AUTS2: variants seen among roughly 807,000 people sequenced by gnomAD.
AUTS2 encodes autism susceptibility gene 2 protein.
A neutral mutation model predicts 112.4 loss-of-function variants in AUTS2; 17 were observed. That is an observed-to-expected ratio of 0.15 (90% CI 0.10 to 0.23). The LOEUF is 0.23. Ranked by LOEUF, AUTS2 falls within the 10% of genes least tolerant of loss-of-function variation. The pLI, the probability that AUTS2 is intolerant of heterozygous loss-of-function variation, is 1.00. For synonymous variants in AUTS2, 751 were observed against 702.7 expected, an observed-to-expected ratio of 1.07 and a Z score of -1.09; for missense variants, 1,510 against 1,701.6, an observed-to-expected ratio of 0.89 and a Z score of 1.98.
intron 1 of AUTS2, among the ~76,000 whole-genome samples, chr7:69,672,226 A>C (rs572056619): frequency 6.6e-6 from 1 of 151,936 alleles, no homozygotes; most frequent in Admixed American, 6.6e-5. Context: ...TGCCTGGCTA[A>C]TTTTGTATTT....
chr7:70,698,081 G>A (rs1454415507), intron 5 of AUTS2, among the ~76,000 whole-genome samples: 2 of 152,050 alleles, frequency 1.3e-5, no homozygotes, highest in African/African-American at 4.8e-5. Flanking sequence ...GGAGTCATCA[G>A]ATGAATCTTA....
intron 2 of AUTS2, among the ~76,000 whole-genome samples, chr7:69,962,557 G>T (rs552211863): frequency 6.6e-6 from 1 of 152,240 alleles, no homozygotes; most frequent in Non-Finnish European, 1.5e-5. Context: ...CATTGCAGTT[G>T]AAGTTATTTT....
intron 5 of AUTS2, among the ~76,000 whole-genome samples, chr7:70,660,196 A>G (rs1027253189): frequency 6.6e-6 from 1 of 151,858 alleles, no homozygotes; most frequent in African/African-American, 2.4e-5. Flanking sequence ...AAGAAAAGAA[A>G]AAAAGGAAAG....
chr7:70,380,466 G>A (rs1793317155), intron 4 of AUTS2, among the ~76,000 whole-genome samples: 1 of 152,208 alleles, frequency 6.6e-6, no homozygotes, highest in African/African-American at 2.4e-5. Context: ...CGCAAAAGCA[G>A]TCCCCCTTTC....
intron 1 of AUTS2, among the ~76,000 whole-genome samples, chr7:69,655,322 G>A (rs1795476222): frequency 1.3e-5 from 2 of 152,326 alleles, no homozygotes; most frequent in South Asian, 2.1e-4. Context: ...TCTAGGCTCT[G>A]TATTAATTTG....
chr7:69,707,905 G>C (rs1798140737), intron 1 of AUTS2, among the ~76,000 whole-genome samples: 1 of 152,194 alleles, frequency 6.6e-6, no homozygotes, highest in South Asian at 2.1e-4. Flanking sequence ...GTTCAGTCGT[G>C]TATCATGTAC....
intron 1 of AUTS2, among the ~76,000 whole-genome samples, chr7:69,800,882 A>G (rs767234815): frequency 9.9e-5 from 15 of 152,118 alleles, no homozygotes; most frequent in Non-Finnish European, 2.1e-4. Flanking sequence ...TATCTGGAGT[A>G]CTTCTTACCC....
intron 2 of AUTS2, among the ~76,000 whole-genome samples, chr7:69,899,700 A>G (rs1794896248): frequency 6.6e-6 from 1 of 152,236 alleles, no homozygotes; most frequent in African/African-American, 2.4e-5. Context: ...AAACTTCAGC[A>G]TGGTGCCCTT....
chr7:70,400,434 A>G (rs112113605), intron 4 of AUTS2, among the ~76,000 whole-genome samples: 2 of 152,280 alleles, frequency 1.3e-5, no homozygotes, highest in African/African-American at 4.8e-5. Flanking sequence ...GCCTGTCGCA[A>G]CATTTGATGC....
intron 4 of AUTS2, among the ~76,000 whole-genome samples, chr7:70,156,063 A>G (rs1807741763): frequency 1.3e-5 from 2 of 152,100 alleles, no homozygotes; most frequent in Non-Finnish European, 2.9e-5. Context: ...GATTGTCTCC[A>G]TCCATAACTT....
At chr7:70,403,685 G>T (rs1194284692) in intron 4 of AUTS2, among the ~76,000 whole-genome samples, 1 of 152,186 alleles carries the variant, frequency 6.6e-6, no homozygotes, top group Non-Finnish European at 1.5e-5. Flanking sequence ...TCCCTATGGG[G>T]TCTTCTTTCC....
At chr7:69,737,255 T>C (rs912378825) in intron 1 of AUTS2, among the ~76,000 whole-genome samples, 4 of 152,214 alleles carry the variant, frequency 2.6e-5, no homozygotes, top group African/African-American at 9.6e-5. Context: ...TTTAACTCAA[T>C]TGAATAATAA....
chr7:70,243,280 T>A (rs1812725988), intron 4 of AUTS2, among the ~76,000 whole-genome samples: 1 of 121,172 alleles, frequency 8.3e-6, no homozygotes, highest in Non-Finnish European at 1.8e-5. Context: ...TGTGTGTGTG[T>A]ATGAGTATAT....
chr7:70,071,133 G>C (rs567203179), intron 2 of AUTS2, among the ~76,000 whole-genome samples: 2 of 152,226 alleles, frequency 1.3e-5, no homozygotes, highest in East Asian at 3.9e-4. Context: ...CAGTTGACTT[G>C]AGCTTTCTGT....
intron 4 of AUTS2, among the ~76,000 whole-genome samples, chr7:70,304,524 A>T (rs1211924928): frequency 6.6e-6 from 1 of 152,060 alleles, no homozygotes; most frequent in African/African-American, 2.4e-5. Context: ...GGGGGTCTGA[A>T]GTTGGGAAAG....
At chr7:69,986,712 A>C (rs1584531782) in intron 2 of AUTS2, among the ~76,000 whole-genome samples, 1 of 152,224 alleles carries the variant, frequency 6.6e-6, no homozygotes, top group Non-Finnish European at 1.5e-5. Context: ...TGTTTTCTGG[A>C]CAGTTATCCA....
At chr7:70,321,214 A>G (rs914592802) in intron 4 of AUTS2, among the ~76,000 whole-genome samples, 1 of 152,214 alleles carries the variant, frequency 6.6e-6, no homozygotes, top group African/African-American at 2.4e-5. Flanking sequence ...GATGCAACAG[A>G]CATACATGTC....
At chr7:70,534,396 ATTTGTTTG>A (rs59524958) in intron 5 of AUTS2, among the ~76,000 whole-genome samples, 24,474 of 147,902 alleles carry the variant, frequency 0.17, 2,164 homozygotes, top group Middle Eastern at 0.22. Context: ...GGGAATATGA[ATTTGTTTG>A]TTTGTTTGTT....
chr7:70,345,255 A>C (rs1022062773), intron 4 of AUTS2, among the ~76,000 whole-genome samples: 11 of 152,174 alleles, frequency 7.2e-5, no homozygotes, highest in Admixed American at 7.2e-4. Flanking sequence ...CCCTCCAGAA[A>C]GTCTCCCATA....
Sources: gnomAD v4.1 joint callset for allele counts (sites outside exome capture counted in the v4.1 genomes callset) on GRCh38, gnomAD v4.1.1 for gene constraint, MANE v1.5 for transcripts, NCBI Gene and HGNC (gene_info 2026-07-23, HGNC 2026-07-21) for gene names.